PRDM5: variants seen among roughly 807,000 people sequenced by gnomAD.
PRDM5 encodes PR domain zinc finger protein 5.
Under a neutral mutation model 81.2 loss-of-function variants are expected in PRDM5, and 56 were observed. The observed-to-expected ratio is 0.69, with a 90% confidence interval of 0.56 to 0.86. The LOEUF is 0.86. Ranked by LOEUF, PRDM5 falls within the 40% of genes least tolerant of loss-of-function variation. The pLI, the probability that PRDM5 is intolerant of heterozygous loss-of-function variation, is 0.00. For synonymous variants in PRDM5, 267 were observed against 256.4 expected, an observed-to-expected ratio of 1.04 and a Z score of -0.39; for missense variants, 697 against 770.1, an observed-to-expected ratio of 0.91 and a Z score of 1.12.
chr4:120,686,238 A>C (rs1578548047), intron 1 of PRDM5, among the ~76,000 whole-genome samples: 1 of 152,080 alleles, frequency 6.6e-6, no homozygotes, highest in African/African-American at 2.4e-5. Flanking sequence ...CCTGAGACCC[A>C]GGCTCAGGTA....
chr4:120,734,411 C>CACAAAT (rs1364068447), intron 14 of PRDM5, among the ~76,000 whole-genome samples: 174 of 143,924 alleles, frequency 1.2e-3, no homozygotes, highest in African/African-American at 4.3e-3. Flanking sequence ...CACACACACA[C>CACAAAT]ACACACAAAT....
intron 9 of PRDM5, 132 bp from the exon 10 acceptor site, chr4:120,798,556 A>C: frequency 1.4e-6 from 1 of 730,012 alleles, no homozygotes; most frequent in East Asian, 2.7e-5. Context: ...AAAAACATCT[A>C]CCATCCACAT....
intron 8 of PRDM5, among the ~76,000 whole-genome samples, chr4:120,808,480 T>C (rs1371686533): frequency 6.6e-6 from 1 of 152,156 alleles, no homozygotes; most frequent in Non-Finnish European, 1.5e-5. Context: ...TTGGTGTATT[T>C]ACAATCCCTT....
chr4:120,796,694 CTA>C (rs1221278593), intron 10 of PRDM5, among the ~76,000 whole-genome samples: 1 of 152,150 alleles, frequency 6.6e-6, no homozygotes, highest in Non-Finnish European at 1.5e-5. Flanking sequence ...ATTTAAGACA[CTA>C]TAATCAACAC....
chr4:120,688,852 A>G (rs890687051), downstream of PRDM5, among the ~76,000 whole-genome samples: 1 of 152,104 alleles, frequency 6.6e-6, no homozygotes, highest in Non-Finnish European at 1.5e-5. Flanking sequence ...TGCCAGTAAA[A>G]ACTGGCATAA....
In PRDM5 at chr4:120,738,699, A is replaced by T. The variant is rs1055291879; in HGVS notation, c.1623+15854T>A. Among the ~76,000 whole-genome samples the T allele has an allele frequency of 2.6e-5, 4 of 152,284 alleles. No individual in the cohort carries two copies. In the East Asian group the frequency reaches 7.7e-4, roughly 29 times the overall value. ...ATACAACAGCTAACTTCTCTTTGGG[A>T]ACATTTAGTAAGTGCTCACTTTAGA... On this transcript the variant is annotated intron_variant, in intron 14 of 15. Coordinates refer to ENST00000264808, the MANE Select transcript of PRDM5 (RefSeq NM_018699.4).
chr4:120,730,674 CTCTT>C (rs1740115367), intron 14 of PRDM5, among the ~76,000 whole-genome samples: 1 of 152,148 alleles, frequency 6.6e-6, no homozygotes, highest in Non-Finnish European at 1.5e-5. Context: ...AAGAAAAACT[CTCTT>C]TATATATATA....
At chr4:120,915,022 A>C (rs534757735) in intron 1 of PRDM5, among the ~76,000 whole-genome samples, 1 of 152,324 alleles carries the variant, frequency 6.6e-6, no homozygotes, top group African/African-American at 2.4e-5. Flanking sequence ...TAGGAGGGTT[A>C]TCCAAACTCC....
chr4:120,713,997 C>A (rs1737387670), intron 14 of PRDM5, among the ~76,000 whole-genome samples: 1 of 152,112 alleles, frequency 6.6e-6, no homozygotes, highest in Non-Finnish European at 1.5e-5. Context: ...ACCCTCATGA[C>A]CCTATCAGCT....
rs1752714100 is a variant in PRDM5 at position 120,805,073 on chromosome 4, C to G, written c.946-5328G>C. On this transcript the variant is annotated intron_variant, in intron 8 of 15. Coordinates refer to ENST00000264808, the MANE Select transcript of PRDM5 (RefSeq NM_018699.4). ...TACCATCAGATAATACTATCAACGCCTCTACGCAAATAAACTAGAAAATCT... is the reference window on the plus strand; with the variant it reads ...TACCATCAGATAATACTATCAACGCGTCTACGCAAATAAACTAGAAAATCT... Among the ~76,000 whole-genome samples the G allele has an allele frequency of 2.0e-5, 3 of 152,194 alleles. No individual in the cohort carries two copies. In the South Asian group the frequency reaches 6.2e-4, roughly 32 times the overall value.
chr4:120,874,212 C>T (rs929062537), intron 2 of PRDM5, among the ~76,000 whole-genome samples: 14 of 152,142 alleles, frequency 9.2e-5, no homozygotes, highest in African/African-American at 3.4e-4. Flanking sequence ...TTCTTCCTAT[C>T]ATTAATGAAA....
Position 120,799,724 on chromosome 4 carries a change from G to C in PRDM5, c.967C>G (p.Gln323Glu). 6.2e-7 allele frequency: 1 copy of C among 1,612,654 alleles called. No homozygotes were observed. Among genetic ancestry groups the C allele is most frequent in the Non-Finnish European group, 8.5e-7 (1 of 1,179,506 alleles). Residue 323 changes from glutamine (Q) to glutamate (E), a missense_variant, in exon 9 of 16, where the codon CAA (glutamine) becomes GAA (glutamate). Coordinates refer to ENST00000264808, the MANE Select transcript of PRDM5 (RefSeq NM_018699.4). ...GAAATAAATTTCTTCATACATTCTT[G>C]ACAATCAAATATCTCATGAATCTGC... ...HRKIHEIFDCQECMKKFISAN... is the reference protein window; with the variant it reads ...HRKIHEIFDCEECMKKFISAN...
At chr4:120,917,679 TAAAA>T (rs59237440) in intron 1 of PRDM5, among the ~76,000 whole-genome samples, 10 of 142,778 alleles carry the variant, frequency 7.0e-5, no homozygotes, top group African/African-American at 1.0e-4. Context: ...AGTCAGACAT[TAAAA>T]AAAAAAAAAA....
At chr4:120,736,681 G>C (rs1741175880) in intron 14 of PRDM5, among the ~76,000 whole-genome samples, 2 of 152,122 alleles carry the variant, frequency 1.3e-5, no homozygotes, top group African/African-American at 4.8e-5. Flanking sequence ...CAGGCATCTT[G>C]TACTATATAT....
intron 2 of PRDM5, among the ~76,000 whole-genome samples, chr4:120,906,379 C>A (rs1045804728): frequency 6.6e-6 from 1 of 152,262 alleles, no homozygotes; most frequent in East Asian, 1.9e-4. Context: ...ATAGGCTATA[C>A]CCTATAGCTT....
At chr4:120,820,733 G>A (rs760708210) in intron 4 of PRDM5, among the ~76,000 whole-genome samples, 1 of 152,216 alleles carries the variant, frequency 6.6e-6, no homozygotes, top group Non-Finnish European at 1.5e-5. Context: ...GGATCCAGCA[G>A]GCTCTCTTGT....
At chr4:120,733,582 C>A (rs1206332211) in intron 14 of PRDM5, among the ~76,000 whole-genome samples, 1 of 152,216 alleles carries the variant, frequency 6.6e-6, no homozygotes, top group African/African-American at 2.4e-5. Context: ...TCCAATGTTG[C>A]CATCACACAT....
intron 14 of PRDM5, among the ~76,000 whole-genome samples, chr4:120,736,051 A>ATTTTTTTTAGCGTCCAT (rs11406026): frequency 6.6e-6 from 1 of 151,590 alleles, no homozygotes; most frequent in Non-Finnish European, 1.5e-5. Flanking sequence ...CTGTATGTCC[A>ATTTTTTTTAGCGTCCAT]TTTTTTTAGC....
intron 13 of PRDM5, among the ~76,000 whole-genome samples, chr4:120,758,074 A>G (rs1387848811): frequency 6.6e-6 from 1 of 152,006 alleles, no homozygotes; most frequent in Non-Finnish European, 1.5e-5. Flanking sequence ...GACTTACATC[A>G]TTGGCTCACC....
Sources: gnomAD v4.1 joint callset for allele counts (sites outside exome capture counted in the v4.1 genomes callset) on GRCh38, gnomAD v4.1.1 for gene constraint, MANE v1.5 for transcripts, NCBI Gene and HGNC (gene_info 2026-07-23, HGNC 2026-07-21) for gene names.